Variants in PPFIA1 observed in about 807,000 individuals in gnomAD.
The protein encoded by PPFIA1 is PPFI scaffold protein A1.
In PPFIA1, 25 loss-of-function variants were observed where a neutral mutation model predicts 149.9. The ratio of observed to expected loss-of-function variants is 0.17; its 90% CI spans 0.12 to 0.23. The LOEUF is 0.23. PPFIA1 is among the 10% of genes least tolerant of loss of function. The pLI is 1.00. For synonymous variants in PPFIA1, 549 were observed against 552.8 expected (o/e 0.99, Z 0.10); for missense variants, 1,362 against 1,506.5 (o/e 0.90, Z 1.59).
intron 15 of PPFIA1, among the ~76,000 whole-genome samples, 181 bp from the exon 16 acceptor site, chr11:70,348,008 A>G (rs971827686): frequency 1.3e-5 from 2 of 152,168 alleles, no homozygotes; most frequent in African/African-American, 4.8e-5. Flanking sequence ...ATCTCAAAAG[A>G]AAAATAAATA....
chr11:70,282,031 GTTTC>G (rs762364531), intron 2 of PPFIA1, among the ~76,000 whole-genome samples: 6 of 151,860 alleles, frequency 4.0e-5, no homozygotes, highest in African/African-American at 1.4e-4. Context: ...ACCTTGTCCA[GTTTC>G]TTTTTTTTTT....
intron 2 of PPFIA1, among the ~76,000 whole-genome samples, chr11:70,288,516 C>A (rs2051307730): frequency 6.6e-6 from 1 of 152,216 alleles, no homozygotes; most frequent in African/African-American, 2.4e-5. Flanking sequence ...GGGAGACCGT[C>A]AACCTCATGG....
At chr11:70,281,374 T>A (rs2050750415) in intron 2 of PPFIA1, among the ~76,000 whole-genome samples, 1 of 152,202 alleles carries the variant, frequency 6.6e-6, no homozygotes, top group African/African-American at 2.4e-5. Flanking sequence ...AACCTCCTGC[T>A]CCTGGTGTAA....
chr11:70,381,888 T>C (rs1685226242), intron 26 of PPFIA1, among the ~76,000 whole-genome samples, 200 bp from the exon 27 acceptor site: 1 of 151,974 alleles, frequency 6.6e-6, no homozygotes, highest in Non-Finnish European at 1.5e-5. Flanking sequence ...CCGGGGCTCT[T>C]TGGGAGCTGG....
At chr11:70,377,566 C>A (rs530678328) in intron 25 of PPFIA1, among the ~76,000 whole-genome samples, 1 of 151,952 alleles carries the variant, frequency 6.6e-6, no homozygotes, top group Non-Finnish European at 1.5e-5. Context: ...TAGGAGGCTG[C>A]GGTGGGAGGA....
chr11:70,335,721 G>T (rs761667290), intron 11 of PPFIA1, 27 bp downstream of exon 11: 2 of 1,612,306 alleles, frequency 1.2e-6, no homozygotes, highest in Non-Finnish European at 1.7e-6. Context: ...GGACATGCTG[G>T]AGCTTTCCCA....
chr11:70,325,945 A>G (rs1294415670), intron 5 of PPFIA1, among the ~76,000 whole-genome samples: 1 of 152,008 alleles, frequency 6.6e-6, no homozygotes, highest in Non-Finnish European at 1.5e-5. Context: ...AAAAAAAAAA[A>G]AAAAAGTAAA....
At chr11:70,336,840 T>C (rs965120719) in intron 11 of PPFIA1, among the ~76,000 whole-genome samples, 1 of 152,140 alleles carries the variant, frequency 6.6e-6, no homozygotes, top group Non-Finnish European at 1.5e-5. Flanking sequence ...GATTGGTTGT[T>C]AGGATTGGGG....
rs115659919 is a variant in PPFIA1, at chr11:70,335,831, G to C, written c.1428+137G>C. The C allele has an allele frequency of 1.5e-3, 1,516 of 979,924 alleles. 21 individuals are homozygous for C. The African/African-American group carries it at 0.023, about 15-fold the overall frequency. The allele number at this position is 979,924 out of a possible 1,614,324, so 60.7% of individuals were successfully genotyped here. A position where few individuals can be genotyped will look rare whatever the true frequency, so the allele number is the denominator to read the frequency against. On this transcript the variant is annotated intron_variant, in intron 11 of 27. Transcript: ENST00000253925. ...GGGAATTATTCTTTAAAGTGGAAAA[G>C]GTATGCACAGTTATCCAGTCACTGA... is the stretch of plus-strand genomic sequence containing the variant.
intron 16 of PPFIA1, among the ~76,000 whole-genome samples, chr11:70,353,114 T>G (rs2137309715): frequency 6.6e-6 from 1 of 152,344 alleles, no homozygotes; most frequent in Non-Finnish European, 1.5e-5. Flanking sequence ...CTGTCCTAAA[T>G]GAGCACAGCT....
chr11:70,366,269 G>A lies in PPFIA1; in HGVS notation c.2865+3781G>A, dbSNP rs2056931161. On this transcript the variant is annotated intron_variant, in intron 21 of 27. Transcript: ENST00000253925. ...GTCTTGTGGCTTAGGCAGCTTCTGA[G>A]ATTATGTATGTAATTTCCTGGTAGG... is the stretch of plus-strand genomic sequence containing the variant. Among the ~76,000 whole-genome samples, 6 of 152,180 alleles carry A rather than the reference G, an allele frequency of 3.9e-5. No individual in the cohort carries two copies. The South Asian group carries it at 1.2e-3, about 32-fold the overall frequency.
chr11:70,276,637 C>T (rs1220363301), intron 2 of PPFIA1, among the ~76,000 whole-genome samples: 1 of 152,040 alleles, frequency 6.6e-6, no homozygotes, highest in Non-Finnish European at 1.5e-5. Context: ...AATTCTTTGG[C>T]AAAACCAGCT....
chr11:70,323,297 C>T (rs1385349802), intron 2 of PPFIA1, among the ~76,000 whole-genome samples: 2 of 152,252 alleles, frequency 1.3e-5, no homozygotes, highest in Admixed American at 6.5e-5. Flanking sequence ...CTTATGGCGG[C>T]AGCCAGGGCC....
At chr11:70,305,131 C>T (rs1228223946) in intron 2 of PPFIA1, among the ~76,000 whole-genome samples, 1 of 152,102 alleles carries the variant, frequency 6.6e-6, no homozygotes, top group Non-Finnish European at 1.5e-5. Flanking sequence ...TTTGTTTCTC[C>T]AAGGCAAGGA....
chr11:70,319,116 A>G (rs976023466), intron 2 of PPFIA1, among the ~76,000 whole-genome samples: 1 of 152,192 alleles, frequency 6.6e-6, no homozygotes, highest in Non-Finnish European at 1.5e-5. Flanking sequence ...CTCTTCCCGT[A>G]GTCACTCCCT....
At chr11:70,368,080 G>T (rs2135322612) in intron 21 of PPFIA1, among the ~76,000 whole-genome samples, 1 of 152,322 alleles carries the variant, frequency 6.6e-6, no homozygotes, top group South Asian at 2.1e-4. Flanking sequence ...GGACGTTACA[G>T]TGAGCCGAGA....
chr11:70,271,532 G>T (rs1318684829), intron 1 of PPFIA1, among the ~76,000 whole-genome samples: 8 of 151,056 alleles, frequency 5.3e-5, no homozygotes, highest in African/African-American at 1.5e-4. Flanking sequence ...TTTTTTTTCG[G>T]TTGTAAACTT....
At chr11:70,333,151 T>C (rs1267171736) in intron 9 of PPFIA1, 2 of 497,454 alleles carry the variant, frequency 4.0e-6, no homozygotes, top group South Asian at 1.5e-5. Context: ...CTGCTTTCCA[T>C]GCTTACTAAC....
At chr11:70,273,089 C>G (rs866545308) in intron 2 of PPFIA1, among the ~76,000 whole-genome samples, 1 of 152,096 alleles carries the variant, frequency 6.6e-6, no homozygotes, top group Non-Finnish European at 1.5e-5. Context: ...ACCAGCCTGG[C>G]CAACATGGCA....
Sources: gnomAD v4.1 joint callset for allele counts (sites outside exome capture counted in the v4.1 genomes callset) on GRCh38, gnomAD v4.1.1 for gene constraint, MANE v1.5 for transcripts, NCBI Gene and HGNC (gene_info 2026-07-23, HGNC 2026-07-21) for gene names.